Variants in ROS1 observed in about 807,000 individuals in gnomAD.
ROS1 encodes ROS proto-oncogene 1, receptor tyrosine kinase.
ROS1 carries 263 observed loss-of-function variants against 273.5 expected under a neutral mutation model. The observed-to-expected ratio is 0.96, with a 90% CI of 0.87 to 1.06. The LOEUF is 1.06. Among genes scored for constraint, ROS1 ranks in the 50% least tolerant of loss-of-function variants. The pLI is 0.00. For synonymous variants in ROS1, 1,008 were observed against 954.1 expected (o/e 1.06, Z -1.04); for missense variants, 2,833 against 2,751.1 (o/e 1.03, Z -0.67).
chr6:117,406,645 T>C (rs1328338955), intron 5 of ROS1, among the ~76,000 whole-genome samples: 1 of 152,198 alleles, frequency 6.6e-6, no homozygotes, highest in Non-Finnish European at 1.5e-5. Flanking sequence ...CTGGTGTCCT[T>C]AGTTTCTCAG....
chr6:117,334,028 T>G (rs1777286401), intron 32 of ROS1, among the ~76,000 whole-genome samples: 1 of 152,114 alleles, frequency 6.6e-6, no homozygotes, highest in South Asian at 2.1e-4. Flanking sequence ...TAAAGGGTAT[T>G]CAAATAGGAA....
In ROS1 at chr6:117,403,284, C is replaced by T. The variant is rs1293837726; in HGVS notation, c.466-7G>A. Reference sequence around the variant, plus strand: ...AGGACGGTCTGGACACAGTCTAGATCAAGGAGTGATCAATCATCAGCATTA... The same window carrying T: ...AGGACGGTCTGGACACAGTCTAGATTAAGGAGTGATCAATCATCAGCATTA... On this transcript the variant is annotated splice_region_variant and splice_polypyrimidine_tract_variant and intron_variant, in intron 6 of 43. Coordinates refer to ENST00000368507, the MANE Select transcript of ROS1 (RefSeq NM_001378902.1). 1 of 1,610,552 alleles carries T rather than the reference C, an allele frequency of 6.2e-7. No individual in the cohort carries two copies. The highest frequency in any genetic ancestry group is 8.5e-7 in the Non-Finnish European group (1 of 1,179,164).
rs1562291079 is a variant in ROS1 at position 117,341,584 on chromosome 6, C to T, written c.4700G>A (p.Ser1567Asn). Residue 1567 changes from serine (S) to asparagine (N), a missense_variant, in exon 30 of 44, where the codon AGC (serine) becomes AAC (asparagine). Ser to Asn is a conservative substitution (Grantham distance 46). Transcript: ENST00000368507. Reference sequence around the variant, plus strand: ...AGATTCTCTCCAAGATATAATGAGGCTGGTGTCTGACCGCACAGTTGTATT... The same window carrying T: ...AGATTCTCTCCAAGATATAATGAGGTTGGTGTCTGACCGCACAGTTGTATT... ...LINTTVRSDT[S>N]LIISWRESHK... 1 of 1,613,742 alleles carries T rather than the reference C, an allele frequency of 6.2e-7. No individual in the cohort carries two copies. The highest frequency in any genetic ancestry group is 1.7e-5 in the Admixed American group (1 of 59,976).
chr6:117,335,291 A>T (rs1288650823), intron 32 of ROS1, among the ~76,000 whole-genome samples: 2 of 152,236 alleles, frequency 1.3e-5, no homozygotes, highest in African/African-American at 4.8e-5. Flanking sequence ...ACAATGAGAT[A>T]CCATCTCACG....
chr6:117,366,367 T>C (rs1317138346), intron 18 of ROS1, 77 bp from the exon 19 acceptor site: 4 of 965,440 alleles, frequency 4.1e-6, no homozygotes, highest in Non-Finnish European at 6.7e-6. Flanking sequence ...GTCATGAGAA[T>C]ATATGTTTGT....
chr6:117,314,085 C>T (rs1775734252), intron 39 of ROS1, among the ~76,000 whole-genome samples: 1 of 151,882 alleles, frequency 6.6e-6, no homozygotes, highest in African/African-American at 2.4e-5. Flanking sequence ...CCTTTTTCAT[C>T]CTCTCTTCAC....
chr6:117,414,904 A>C (rs1456942082), intron 3 of ROS1, among the ~76,000 whole-genome samples: 1 of 152,264 alleles, frequency 6.6e-6, no homozygotes, highest in Non-Finnish European at 1.5e-5. Context: ...AGCTCTTGCT[A>C]GCAAAGGACA....
Position 117,344,627 on chromosome 6 carries a change from G to A in ROS1, c.4304-365C>T, listed in dbSNP as rs200607178. On this transcript the variant is annotated intron_variant, in intron 27 of 43. Coordinates refer to ENST00000368507, the MANE Select transcript of ROS1 (RefSeq NM_001378902.1). ...TCATGTGACACGGTCTGGTTAGTCA[G>A]ATGTGCTTATCACTGTGGCGCACCT... Among the ~76,000 whole-genome samples, 3 of 152,168 alleles carry A rather than the reference G, an allele frequency of 2.0e-5. No homozygotes were observed. In the East Asian group the frequency reaches 5.8e-4, roughly 29 times the overall value.
chr6:117,339,638 A>G (rs543219129), intron 31 of ROS1, among the ~76,000 whole-genome samples: 11 of 152,250 alleles, frequency 7.2e-5, no homozygotes, highest in African/African-American at 2.6e-4. Context: ...GTATTTGTAG[A>G]TGGCCACTCA....
intron 42 of ROS1, among the ~76,000 whole-genome samples, chr6:117,302,994 G>T (rs1774847972): frequency 6.6e-6 from 1 of 152,094 alleles, no homozygotes; most frequent in Non-Finnish European, 1.5e-5. Flanking sequence ...AGGAATGAGG[G>T]CTCTATTCAC....
chr6:117,305,999 C>T (rs1371264320), intron 42 of ROS1, among the ~76,000 whole-genome samples: 1 of 149,374 alleles, frequency 6.7e-6, no homozygotes, highest in Non-Finnish European at 1.5e-5. Context: ...CTCCACTCAC[C>T]ATGCAAACTC....
intron 40 of ROS1, among the ~76,000 whole-genome samples, 179 bp downstream of exon 40, chr6:117,310,841 A>G (rs1226037857): frequency 6.6e-6 from 1 of 152,154 alleles, no homozygotes; most frequent in African/African-American, 2.4e-5. Flanking sequence ...TAGTGATGCA[A>G]TAAACATACA....
chr6:117,339,612 A>C (rs763108415), intron 31 of ROS1, among the ~76,000 whole-genome samples: 1 of 152,092 alleles, frequency 6.6e-6, no homozygotes, highest in Non-Finnish European at 1.5e-5. Context: ...ACAGACTTTT[A>C]CTGTACTCAT....
At chr6:117,424,251 ACT>A (rs1161381367) in intron 1 of ROS1, among the ~76,000 whole-genome samples, 2 of 151,934 alleles carry the variant, frequency 1.3e-5, no homozygotes, top group Admixed American at 1.3e-4. Context: ...CTAGGGGAAA[ACT>A]CACAATACAA....
chr6:117,412,605 C>CAGATAGATAGATAGATAGAT (rs3836982), intron 4 of ROS1, among the ~76,000 whole-genome samples: 114 of 151,264 alleles, frequency 7.5e-4, no homozygotes, highest in African/African-American at 2.3e-3. Context: ...GATAGATAGA[C>CAGATAGATAGATAGATAGAT]AGATAGATAG....
intron 11 of ROS1, among the ~76,000 whole-genome samples, chr6:117,393,644 T>C (rs1359471166): frequency 6.6e-6 from 1 of 152,222 alleles, no homozygotes; most frequent in Non-Finnish European, 1.5e-5. Context: ...GTGATAAGCC[T>C]GTACCTTCCA....
At chr6:117,296,319 T>C (rs1357322350) in intron 43 of ROS1, among the ~76,000 whole-genome samples, 1 of 151,854 alleles carries the variant, frequency 6.6e-6, no homozygotes. Flanking sequence ...AAGAATCGCT[T>C]GAAACTGAAA....
chr6:117,317,359 T>A, intron 38 of ROS1, 87 bp from the exon 39 acceptor site: 4 of 1,420,116 alleles, frequency 2.8e-6, no homozygotes, highest in Non-Finnish European at 3.8e-6. Context: ...CAATTCTTTA[T>A]CAATAGTTTC....
At position 117,396,909 on chromosome 6, in the gene ROS1, T is replaced by C. The variant is rs780931335; in HGVS notation, c.806+6A>G. On this transcript the variant is annotated splice_donor_region_variant and intron_variant, in intron 8 of 43. Coordinates refer to ENST00000368507, the MANE Select transcript of ROS1 (RefSeq NM_001378902.1). ...TACATTTTCCTCTGTATCACTTAATTCTTACCTGTAGATAGTATTTGGTAA... is the reference window on the plus strand; with the variant it reads ...TACATTTTCCTCTGTATCACTTAATCCTTACCTGTAGATAGTATTTGGTAA... 1.6e-5 allele frequency: 25 copies of C among 1,595,914 alleles called. No individual in the cohort carries two copies. Among genetic ancestry groups the C allele is most frequent in the Non-Finnish European group, 1.9e-5 (22 of 1,163,704 alleles).
Sources: gnomAD v4.1 joint callset for allele counts (sites outside exome capture counted in the v4.1 genomes callset) on GRCh38, gnomAD v4.1.1 for gene constraint, MANE v1.5 for transcripts, NCBI Gene and HGNC (gene_info 2026-07-23, HGNC 2026-07-21) for gene names.